Variants in ACTR3C observed in about 807,000 individuals in gnomAD.
ACTR3C encodes the protein actin-related protein 3C.
Under a neutral mutation model 26.3 loss-of-function variants are expected in ACTR3C, and 18 were observed. That is an observed-to-expected ratio of 0.68 (90% CI 0.47 to 1.01). The LOEUF is 1.01. Ranked by LOEUF, ACTR3C falls within the 50% of genes least tolerant of loss-of-function variation. ACTR3C has a pLI of 0.00. For synonymous variants in ACTR3C, 55 were observed against 94.5 expected (o/e 0.58, Z 2.42); for missense variants, 184 against 250.7 (o/e 0.73, Z 1.80).
chr7:150,159,043 C>CACAT, the ACTR3C span, among the ~76,000 whole-genome samples: 1 of 151,600 alleles, frequency 6.6e-6, no homozygotes, highest in Non-Finnish European at 1.5e-5. Context: ...CACTCAGGCA[C>CACAT]ACACCGTGGC....
At chr7:149,976,295 C>T in the ACTR3C span, among the ~76,000 whole-genome samples, 1 of 152,130 alleles carries the variant, frequency 6.6e-6, no homozygotes, top group South Asian at 2.1e-4. Flanking sequence ...ACATAGATGG[C>T]CGGGCGCGGT....
chr7:150,294,836 C>T (rs1462650048), intron 2 of ACTR3C, among the ~76,000 whole-genome samples: 3 of 151,286 alleles, frequency 2.0e-5, no homozygotes, highest in African/African-American at 4.9e-5. Flanking sequence ...ACAAGTTCTG[C>T]GAGCTCATGA....
chr7:149,894,664 A>G, the ACTR3C span, among the ~76,000 whole-genome samples: 1 of 152,252 alleles, frequency 6.6e-6, no homozygotes, highest in African/African-American at 2.4e-5. Context: ...CATCGGGGAA[A>G]TGCAAATCAA....
the ACTR3C span, among the ~76,000 whole-genome samples, chr7:150,092,720 G>A: frequency 2.0e-5 from 3 of 150,452 alleles, no homozygotes; most frequent in Admixed American, 6.6e-5. Flanking sequence ...TGAGCCTCAC[G>A]GCATGTTATG....
intron 1 of ACTR3C, among the ~76,000 whole-genome samples, chr7:150,315,050 T>A (rs1796723976): frequency 6.8e-6 from 1 of 147,332 alleles, no homozygotes; most frequent in South Asian, 2.1e-4. Flanking sequence ...ATAATTACTT[T>A]TATTATTTTA....
chr7:150,075,144 CTG>C, the ACTR3C span, among the ~76,000 whole-genome samples: 1 of 110,412 alleles, frequency 9.1e-6, no homozygotes, highest in Non-Finnish European at 1.8e-5. Flanking sequence ...ACATTCATAA[CTG>C]TGCTACACTA....
At chr7:149,907,478 T>TTC in the ACTR3C span, among the ~76,000 whole-genome samples, 34 of 97,686 alleles carry the variant, frequency 3.5e-4, no homozygotes, top group East Asian at 1.5e-3. Context: ...CTCTCTTCTC[T>TTC]TCTCTCTCTC....
the ACTR3C span, among the ~76,000 whole-genome samples, chr7:150,040,333 C>G: frequency 2.0e-5 from 3 of 147,750 alleles, no homozygotes; most frequent in Non-Finnish European, 1.5e-5. Context: ...CTCTCTCTGA[C>G]GCATACAATG....
At chr7:150,049,897 C>T in the ACTR3C span, among the ~76,000 whole-genome samples, 1 of 152,200 alleles carries the variant, frequency 6.6e-6, no homozygotes, top group African/African-American at 2.4e-5. Context: ...CCAAGTAAAA[C>T]CAGGATTGCA....
At chr7:150,041,626 CG>C in the ACTR3C span, among the ~76,000 whole-genome samples, 34 of 84,842 alleles carry the variant, frequency 4.0e-4, no homozygotes, top group South Asian at 1.2e-3. Flanking sequence ...CCCTGCCTCG[CG>C]GGGGGTGCCT....
the ACTR3C span, among the ~76,000 whole-genome samples, chr7:150,191,014 C>T: frequency 3.9e-5 from 6 of 152,176 alleles, no homozygotes; most frequent in African/African-American, 1.4e-4. Context: ...AGGTCCCTCC[C>T]ACCACACTTG....
At chr7:150,272,843 A>C (rs1976868) in intron 6 of ACTR3C, among the ~76,000 whole-genome samples, 4,657 of 132,948 alleles carry the variant, frequency 0.035, 1,253 homozygotes, top group African/African-American at 0.15. Context: ...GGTGCATCCA[A>C]CACATCCAGC....
chr7:149,888,879 G>A, the ACTR3C span, among the ~76,000 whole-genome samples: 1 of 152,054 alleles, frequency 6.6e-6, no homozygotes, highest in South Asian at 2.1e-4. Flanking sequence ...GTGGTGGTGA[G>A]CGCCTGTAAT....
the ACTR3C span, among the ~76,000 whole-genome samples, chr7:150,035,415 A>AC: frequency 3.0e-3 from 105 of 34,490 alleles, 29 homozygotes; most frequent in African/African-American, 7.9e-3. Flanking sequence ...CAGGGGGGGA[A>AC]GAGGGACTGG....
chr7:150,054,803 G>A, the ACTR3C span, among the ~76,000 whole-genome samples: 2 of 152,208 alleles, frequency 1.3e-5, no homozygotes, highest in African/African-American at 4.8e-5. Flanking sequence ...GTTAACACCT[G>A]AGCACTGACT....
chr7:149,969,166 G>A, the ACTR3C span, among the ~76,000 whole-genome samples: 1 of 152,208 alleles, frequency 6.6e-6, no homozygotes, highest in Admixed American at 6.5e-5. Flanking sequence ...GCTTCAGAAA[G>A]GGAACGCTGT....
At chr7:149,886,520 C>T in the ACTR3C span, among the ~76,000 whole-genome samples, 1 of 151,440 alleles carries the variant, frequency 6.6e-6, no homozygotes, top group Non-Finnish European at 1.5e-5. Flanking sequence ...GGGACACTGG[C>T]ACTCCAGATA....
At chr7:150,080,939 C>G in the ACTR3C span, among the ~76,000 whole-genome samples, 15 of 151,946 alleles carry the variant, frequency 9.9e-5, no homozygotes, top group South Asian at 2.1e-4. Flanking sequence ...ATAATAACAC[C>G]ATCTTTAGAA....
At chr7:150,100,607 T>C in the ACTR3C span, among the ~76,000 whole-genome samples, 3 of 151,690 alleles carry the variant, frequency 2.0e-5, no homozygotes, top group Non-Finnish European at 2.9e-5. Context: ...TAAACACATA[T>C]GGTATTGTAA....
Sources: allele counts gnomAD v4.1 joint callset (sites outside exome capture counted in the v4.1 genomes callset), GRCh38; gene constraint gnomAD v4.1.1; transcripts MANE v1.5; gene names NCBI Gene and HGNC (gene_info 2026-07-23, HGNC 2026-07-21).